Variants in NRAP observed in about 807,000 individuals in gnomAD.
NRAP encodes nebulin related anchoring protein, also known as nebulin-related-anchoring protein.
A neutral mutation model predicts 225.9 loss-of-function variants in NRAP; 189 were observed. That is an observed-to-expected ratio of 0.84 (90% CI 0.74 to 0.94). NRAP has a LOEUF of 0.94. Among genes scored for constraint, NRAP ranks in the 40% least tolerant of loss-of-function variants. The pLI is 0.00. For synonymous variants in NRAP, 769 were observed against 790.7 expected (o/e 0.97, Z 0.46); for missense variants, 2,176 against 2,168.7 (o/e 1.00, Z -0.07).
At chr10:113,646,629 A>G (rs1849526464) in intron 10 of NRAP, among the ~76,000 whole-genome samples, 1 of 152,114 alleles carries the variant, frequency 6.6e-6, no homozygotes, top group African/African-American at 2.4e-5. Context: ...AAATTACTCA[A>G]TTTCTAATTG....
In NRAP at chr10:113,589,562, A is replaced by C. The variant is rs750606534; in HGVS notation, c.5088+104T>G. On this transcript the variant is annotated intron_variant, in intron 41 of 41. Transcript: ENST00000359988. Reference sequence around the variant, plus strand: ...TGAGCTGCGTTTCACACTTCTTTAGAGCTAGCTGACCTTTGGCCAAAAATA... The same window carrying C: ...TGAGCTGCGTTTCACACTTCTTTAGCGCTAGCTGACCTTTGGCCAAAAATA... 5.4e-5 allele frequency: 75 copies of C among 1,378,836 alleles called. No homozygotes were observed. In the South Asian group the frequency reaches 5.8e-4, roughly 11 times the overall value. The allele number at this position is 1,378,836 out of a possible 1,614,324, so 85.4% of individuals were successfully genotyped here.
At position 113,614,313 on chromosome 10, in the gene NRAP, C is replaced by T. The variant is rs183553421; in HGVS notation, c.3187-17G>A. 92 of 1,525,652 alleles carry T rather than the reference C, an allele frequency of 6.0e-5. No individual in the cohort carries two copies. The East Asian group carries it at 1.7e-3, about 28-fold the overall frequency. 94.5% of individuals were successfully genotyped at this position (1,525,652 alleles called of 1,614,324 possible). On this transcript the variant is annotated splice_polypyrimidine_tract_variant and intron_variant, in intron 28 of 41. Transcript: ENST00000359988. Reference sequence around the variant, plus strand: ...GTATTTGTACTAAAGGGAAAGAGAGCGGGAGAGAGGAACAGCTCAGGGATA... The same window carrying T: ...GTATTTGTACTAAAGGGAAAGAGAGTGGGAGAGAGGAACAGCTCAGGGATA...
chr10:113,643,080 G>T (rs150148311), intron 11 of NRAP, 42 bp from the exon 12 acceptor site: 3 of 971,010 alleles, frequency 3.1e-6, no homozygotes, highest in Non-Finnish European at 5.0e-6. Context: ...AACCAAATCC[G>T]AAGTCACTCT....
At chr10:113,594,732 A>G (rs1454046059) in intron 38 of NRAP, among the ~76,000 whole-genome samples, 1 of 152,234 alleles carries the variant, frequency 6.6e-6, no homozygotes, top group Non-Finnish European at 1.5e-5. Context: ...ACAGGGCTTT[A>G]CAAACGCAAC....
In NRAP at chr10:113,642,958, G is replaced by T. The variant is rs766039958; in HGVS notation, c.1191C>A (p.Ser397Arg). 31 of 1,601,648 alleles carry T rather than the reference G, an allele frequency of 1.9e-5. No individual in the cohort carries two copies. Among genetic ancestry groups the T allele is most frequent in the Non-Finnish European group, 2.7e-5 (31 of 1,168,806 alleles). ...YCETPQFRNV[S>R]KISKFTSDNK... ...CATCACTGGTAAATTTTGAGATCTTGCTCACGTTCCTGAATTGAGGTGTTT... is the reference window on the plus strand; with the variant it reads ...CATCACTGGTAAATTTTGAGATCTTTCTCACGTTCCTGAATTGAGGTGTTT... The change falls in exon 12 of 42, where the codon AGC becomes AGA. Residue 397 changes from serine to arginine, a missense_variant. Around this residue, in one of 3 missense-constraint regions of NRAP, gnomAD observed 1,708 missense variants for 1,695.5 expected, o/e 1.01. Coordinates refer to ENST00000359988, the MANE Select transcript of NRAP (RefSeq NM_198060.4).
In NRAP at chr10:113,643,152, A is replaced by G; in HGVS notation, c.1111-114T>C. On this transcript the variant is annotated intron_variant, in intron 11 of 41. Coordinates refer to ENST00000359988, the MANE Select transcript of NRAP (RefSeq NM_198060.4). The stretch of plus-strand genomic sequence containing the variant: ...AAAACTTTCAACCCAAGATTTTAAC[A>G]TATCAAGCATAGAATATGCTAAGTT... The G allele has an allele frequency of 5.0e-6, 3 of 598,326 alleles. No individual in the cohort carries two copies. In the South Asian group the frequency reaches 6.7e-5, roughly 13 times the overall value. 37.1% of individuals were successfully genotyped at this position (598,326 alleles called of 1,614,324 possible). A position where few individuals can be genotyped will look rare whatever the true frequency, so the allele number is the denominator to read the frequency against.
At chr10:113,659,844 A>C (rs1335320995) in intron 3 of NRAP, among the ~76,000 whole-genome samples, 3 of 151,998 alleles carry the variant, frequency 2.0e-5, no homozygotes, top group Non-Finnish European at 4.4e-5. Context: ...ATCACTGAAA[A>C]ATCTCTTTCC....
chr10:113,660,086 A>ACACACACC (rs1214359332), intron 3 of NRAP, among the ~76,000 whole-genome samples: 8 of 144,460 alleles, frequency 5.5e-5, no homozygotes, highest in Non-Finnish European at 3.1e-5. Context: ...ACACACACAC[A>ACACACACC]CCATATACAC....
intron 14 of NRAP, among the ~76,000 whole-genome samples, chr10:113,638,020 A>G (rs1253894588): frequency 6.6e-6 from 1 of 152,212 alleles, no homozygotes; most frequent in Non-Finnish European, 1.5e-5. Context: ...TGTAGAGAAA[A>G]TTAGGAAATA....
At chr10:113,619,202 C>G (rs983694415) in intron 25 of NRAP, among the ~76,000 whole-genome samples, 20 of 152,204 alleles carry the variant, frequency 1.3e-4, no homozygotes, top group Non-Finnish European at 1.8e-4. Flanking sequence ...GATTAAGACA[C>G]ACGAAGGAAA....
intron 30 of NRAP, 96 bp from the exon 31 acceptor site, chr10:113,610,659 A>G: frequency 2.8e-6 from 2 of 721,378 alleles, no homozygotes; most frequent in Non-Finnish European, 4.9e-6. Flanking sequence ...AGCATCTGAC[A>G]GCGTCATAAT....
At chr10:113,592,413 C>T in intron 38 of NRAP, 112 bp from the exon 39 acceptor site, 1 of 608,812 alleles carries the variant, frequency 1.6e-6, no homozygotes, top group Non-Finnish European at 2.9e-6. Context: ...TAGGACGGCA[C>T]AGCCTATAGC....
At chr10:113,650,371 G>A (rs563249931) in intron 8 of NRAP, 67 bp downstream of exon 8, 21 of 1,147,492 alleles carry the variant, frequency 1.8e-5, no homozygotes, top group Non-Finnish European at 2.4e-5. Context: ...CAGGAAGTTG[G>A]ACTCCTCAGA....
chr10:113,612,997 C>A (rs1250810455), intron 29 of NRAP, among the ~76,000 whole-genome samples: 1 of 152,178 alleles, frequency 6.6e-6, no homozygotes, highest in Non-Finnish European at 1.5e-5. Context: ...GGGGAAGACC[C>A]ATTCCAGACC....
intron 36 of NRAP, 37 bp downstream of exon 36, chr10:113,597,932 G>A (rs749095182): frequency 7.3e-7 from 1 of 1,371,204 alleles, no homozygotes; most frequent in South Asian, 1.2e-5. Flanking sequence ...ATGCTAGCTT[G>A]CCCTTGTCAC....
chr10:113,624,733 C>T (rs1159892150), intron 22 of NRAP, 93 bp downstream of exon 22: 8 of 844,842 alleles, frequency 9.5e-6, no homozygotes, highest in Non-Finnish European at 1.6e-5. Context: ...TCAGTTGATA[C>T]AGACACTATG....
rs768368401 is a variant in NRAP at position 113,589,010 on chromosome 10, G to C, written c.5158C>G (p.Leu1720Val). ...GEVNPDATEI[L>V]HVKKKKALLL ...AGGGCCTTCTTCTTTTTGACGTGCA[G>C]AATCTCAGTGGCATCTGGGTTCACC... The change falls in exon 42 of 42, where the codon CTG (leucine) becomes GTG (valine). Residue 1720 changes from leucine to valine, a missense_variant. This residue lies in a region of NRAP where 445 missense variants were observed against 426.1 expected (regional missense o/e 1.04). Coordinates refer to ENST00000359988, the MANE Select transcript of NRAP (RefSeq NM_198060.4). 23 of 1,613,868 alleles carry C rather than the reference G, an allele frequency of 1.4e-5. No individual in the cohort carries two copies. The highest frequency in any genetic ancestry group is 1.9e-5 in the Non-Finnish European group (23 of 1,179,946).
intron 26 of NRAP, 95 bp downstream of exon 26, chr10:113,617,360 C>A: frequency 3.8e-6 from 3 of 799,176 alleles, no homozygotes. Context: ...CTTAGGACAA[C>A]AGAAGGAGCA....
In NRAP at chr10:113,654,059, T is replaced by C. The variant is rs1850151818; in HGVS notation, c.427A>G (p.Ile143Val). ...WCPGALPDPE[I>V]VRMVEARKSL... is the part of the protein sequence containing the mutation. ...TTTCGAGCCTCAACCATCCTTACAA[T>C]TTCGGGGTCTGGCAGAGCTCCTGGG... The change falls in exon 5 of 42, where the codon ATT becomes GTT. Residue 143 changes from isoleucine (I) to valine (V), a missense_variant. By Grantham distance (29) the Ile-to-Val change is conservative (BLOSUM62 3). This residue lies in a region of NRAP where 1,708 missense variants were observed against 1,695.5 expected (regional missense o/e 1.01). Coordinates refer to ENST00000359988, the MANE Select transcript of NRAP (RefSeq NM_198060.4). 6.2e-7 allele frequency: 1 copy of C among 1,613,806 alleles called. No individual in the cohort carries two copies.
Sources: allele counts gnomAD v4.1 joint callset (sites outside exome capture counted in the v4.1 genomes callset), GRCh38; gene constraint gnomAD v4.1.1; regional missense constraint gnomAD v4.1.1; transcripts MANE v1.5; gene names NCBI Gene and HGNC (gene_info 2026-07-23, HGNC 2026-07-21).